LAMA3: variants seen among roughly 807,000 people sequenced by gnomAD.
LAMA3 encodes laminin subunit alpha 3.
A neutral mutation model predicts 402.0 loss-of-function variants in LAMA3; 281 were observed. The ratio of observed to expected loss-of-function variants is 0.70; its 90% CI spans 0.63 to 0.77. LAMA3 has a LOEUF of 0.77. Ranked by LOEUF, LAMA3 falls within the 30% of genes least tolerant of loss-of-function variation. The pLI is 0.00. For missense variants in LAMA3, 3,840 were observed against 4,215.5 expected (o/e 0.91, Z 2.47); for synonymous variants, 1,431 against 1,558.4 (o/e 0.92, Z 1.93).
chr18:23,932,110 C>A, intron 65 of LAMA3, 50 bp from the exon 66 acceptor site: 1 of 1,611,108 alleles, frequency 6.2e-7, no homozygotes, highest in Non-Finnish European at 8.5e-7. Flanking sequence ...ATGGCAAGGG[C>A]CCTTTTTTCC....
rs535308191 is a variant in LAMA3 at position 23,778,709 on chromosome 18, A to G, written c.1468+1090A>G. 2.8e-3 allele frequency among the ~76,000 whole-genome samples: 431 copies of G among 152,288 alleles called. 4 individuals carry two copies. The highest frequency in any genetic ancestry group is 1.0e-2 in the African/African-American group (414 of 41,560). On this transcript the variant is annotated intron_variant, in intron 11 of 74. Transcript: ENST00000313654. ...CTCCTGAGTTTGCCTCTCCTACCCC[A>G]GGGCGCCAGCAGAGGCCTGGTGGTC...
At chr18:23,692,023 T>G (rs1313884497) in intron 1 of LAMA3, among the ~76,000 whole-genome samples, 2 of 152,204 alleles carry the variant, frequency 1.3e-5, no homozygotes, top group East Asian at 3.8e-4. Flanking sequence ...TGTTAAAAAA[T>G]TATTTTAAAT....
intron 1 of LAMA3, among the ~76,000 whole-genome samples, chr18:23,690,295 C>G (rs1055901597): frequency 6.6e-6 from 1 of 152,212 alleles, no homozygotes; most frequent in African/African-American, 2.4e-5. Flanking sequence ...TTCCCGCCTC[C>G]GTCACCCACG....
rs1342855927 is a variant in LAMA3, at chr18:23,814,412, C to CA, written c.1800dup (p.Cys601MetfsTer6). 3 of 1,610,628 alleles carry CA rather than the reference C, an allele frequency of 1.9e-6. No homozygotes were observed. In the African/African-American group the frequency reaches 4.0e-5, roughly 22 times the overall value. On this transcript the variant is annotated frameshift_variant, in exon 15 of 75. Coordinates refer to ENST00000313654, the MANE Select transcript of LAMA3 (RefSeq NM_198129.4). LOFTEE classifies it high-confidence loss of function. ...TGATTTTCATTCAAAGGGGTATTGC[C>CA]AATGCAAGCTTCATGTTGAAGGTCC...
At chr18:23,725,819 G>C (rs1185320648) in intron 2 of LAMA3, among the ~76,000 whole-genome samples, 1 of 152,192 alleles carries the variant, frequency 6.6e-6, no homozygotes, top group Non-Finnish European at 1.5e-5. Flanking sequence ...TCTCTCATTT[G>C]AGAGCAAACT....
At chr18:23,723,721 G>A (rs543154028) in intron 2 of LAMA3, among the ~76,000 whole-genome samples, 4 of 152,046 alleles carry the variant, frequency 2.6e-5, no homozygotes, top group South Asian at 2.1e-4. Flanking sequence ...CGAATGTCTC[G>A]GGGTCAGTAT....
intron 21 of LAMA3, 139 bp downstream of exon 21, chr18:23,824,704 A>C (rs944886442): frequency 3.3e-5 from 29 of 888,436 alleles, no homozygotes; most frequent in Non-Finnish European, 5.3e-5. Context: ...ATTCAGCCCC[A>C]ACCTAAGGAA....
chr18:23,893,840 G>A (rs2080778142), intron 42 of LAMA3, among the ~76,000 whole-genome samples: 2 of 152,220 alleles, frequency 1.3e-5, no homozygotes, highest in Non-Finnish European at 2.9e-5. Flanking sequence ...GTGAATGTTT[G>A]CACAATGTTC....
intron 2 of LAMA3, among the ~76,000 whole-genome samples, chr18:23,729,718 C>A (rs2061359028): frequency 6.6e-6 from 1 of 152,238 alleles, no homozygotes; most frequent in South Asian, 2.1e-4. Context: ...ATTTAATCCT[C>A]ACTGCAAGCT....
intron 8 of LAMA3, among the ~76,000 whole-genome samples, chr18:23,772,029 A>C (rs1697879908): frequency 1.3e-5 from 2 of 149,852 alleles, no homozygotes; most frequent in Admixed American, 6.7e-5. Context: ...CAGAGATGTG[A>C]CTTCTGATCG....
intron 24 of LAMA3, 98 bp from the exon 25 acceptor site, chr18:23,836,883 A>G (rs138732356): frequency 2.5e-6 from 2 of 798,326 alleles, no homozygotes; most frequent in African/African-American, 1.7e-5. Context: ...TCAGTTATAA[A>G]CAGGTGAAAC....
intron 11 of LAMA3, among the ~76,000 whole-genome samples, chr18:23,779,551 A>G (rs2062393761): frequency 2.7e-5 from 4 of 150,868 alleles, no homozygotes; most frequent in Admixed American, 2.6e-4. Flanking sequence ...CTTTGTTGAG[A>G]GGGAAAGATT....
intron 12 of LAMA3, among the ~76,000 whole-genome samples, chr18:23,794,459 G>A (rs1018250193): frequency 2.6e-5 from 4 of 152,186 alleles, no homozygotes; most frequent in African/African-American, 9.7e-5. Context: ...GTTGAAGCCA[G>A]CTGTGGGGAA....
At chr18:23,871,261 G>A (rs961439476) in intron 37 of LAMA3, among the ~76,000 whole-genome samples, 170 bp from the exon 38 acceptor site, 4 of 152,054 alleles carry the variant, frequency 2.6e-5, no homozygotes, top group African/African-American at 9.7e-5. Flanking sequence ...CAGGACACCT[G>A]ACTTCTAAAT....
At position 23,853,481 on chromosome 18, in the gene LAMA3, C is replaced by A. The variant is rs374105358; in HGVS notation, c.4137-4363C>A. Among the ~76,000 whole-genome samples the A allele has an allele frequency of 2.3e-3, 349 of 152,268 alleles. 1 individual carries two copies. The highest frequency in any genetic ancestry group is 8.1e-3 in the African/African-American group (338 of 41,538). On this transcript the variant is annotated intron_variant, in intron 32 of 74. Coordinates refer to ENST00000313654, the MANE Select transcript of LAMA3 (RefSeq NM_198129.4). ...AGAGATGGGGTTTCTCCATGTTGGTCAGGCTGTTCTCGAACTCCCGACCTC... is the reference window on the plus strand; with the variant it reads ...AGAGATGGGGTTTCTCCATGTTGGTAAGGCTGTTCTCGAACTCCCGACCTC...
At chr18:23,771,844 A>G (rs1490910028) in intron 8 of LAMA3, among the ~76,000 whole-genome samples, 1 of 152,228 alleles carries the variant, frequency 6.6e-6, no homozygotes, top group Admixed American at 6.5e-5. Flanking sequence ...GAAAGAAAAG[A>G]GTAATGAAAG....
intron 1 of LAMA3, among the ~76,000 whole-genome samples, chr18:23,697,491 A>G (rs2060705861): frequency 6.6e-6 from 1 of 152,122 alleles, no homozygotes; most frequent in African/African-American, 2.4e-5. Context: ...GGCTCTTCCC[A>G]GGTGCCTCCA....
intron 2 of LAMA3, among the ~76,000 whole-genome samples, chr18:23,743,730 A>G (rs1442915010): frequency 6.6e-6 from 1 of 152,238 alleles, no homozygotes; most frequent in Non-Finnish European, 1.5e-5. Flanking sequence ...CTCTACCTAA[A>G]CAATCACCAA....
Position 23,882,027 on chromosome 18 carries a change from CA to C in LAMA3, c.5205del (p.Cys1736ValfsTer13), listed in dbSNP as rs1057517367. ...GTCCACGGATCCTGCAGGGCCTGCC[CA>C]TGTCCTCACACTAACAGGTACCGTA... Reference protein sequence around the residue: ...NAVHGSCRACPCPHTNSFATG... With the variant: ...NAVHGSCRACXCPHTNSFATG... On this transcript the variant is annotated frameshift_variant, in exon 40 of 75. Coordinates refer to ENST00000313654, the MANE Select transcript of LAMA3 (RefSeq NM_198129.4). LOFTEE classifies it high-confidence loss of function. The C allele has an allele frequency of 6.2e-7, 1 of 1,612,906 alleles. No homozygotes were observed. Among genetic ancestry groups the C allele is most frequent in the South Asian group, 1.1e-5 (1 of 91,032 alleles).
Sources: gnomAD v4.1 joint callset for allele counts (sites outside exome capture counted in the v4.1 genomes callset) on GRCh38, gnomAD v4.1.1 for gene constraint, MANE v1.5 for transcripts, NCBI Gene and HGNC (gene_info 2026-07-23, HGNC 2026-07-21) for gene names.